The following MAPK6 variants were observed in gnomAD, a reference collection of about 807,000 sequenced individuals.
MAPK6 encodes the protein ERK-3.
A neutral mutation model predicts 59.3 loss-of-function variants in MAPK6; 19 were observed. The ratio of observed to expected loss-of-function variants is 0.32; its 90% CI spans 0.22 to 0.47. The LOEUF (loss-of-function observed/expected upper bound fraction) is 0.47, where lower values mean the gene tolerates loss of function less well. Among genes scored for constraint, MAPK6 ranks in the 20% least tolerant of loss-of-function variants. MAPK6 has a pLI of 1.00. For missense variants in MAPK6, 724 were observed against 847.9 expected, an observed-to-expected ratio of 0.85 and a Z score of 1.81; for synonymous variants, 316 against 290.3, an observed-to-expected ratio of 1.09 and a Z score of -0.90.
At chr15:52,061,016 G>C (rs780086211) in intron 4 of MAPK6, among the ~76,000 whole-genome samples, 29 of 152,280 alleles carry the variant, frequency 1.9e-4, no homozygotes, top group South Asian at 1.9e-3. Context: ...ATTAGGCCGG[G>C]ATTACAGGCG....
chr15:52,035,555 CG>C (rs2031211565), intron 1 of MAPK6: 1 of 150,956 alleles, frequency 6.6e-6, no homozygotes, highest in Non-Finnish European at 1.5e-5. Flanking sequence ...ACCCGGGAAG[CG>C]GAGGTTGCAG....
intron 3 of MAPK6, among the ~76,000 whole-genome samples, chr15:52,006,819 C>T (rs2141828005): frequency 6.6e-6 from 1 of 152,216 alleles, no homozygotes; most frequent in African/African-American, 2.4e-5. Context: ...TTACCTGGGT[C>T]TAACAAATAC....
rs370350398 is a variant in MAPK6 at position 51,993,747 on chromosome 15, C to T, written c.-770+10432C>T. The stretch of plus-strand genomic sequence containing the variant: ...AGAACAGTGACACCTAATAGCAATG[C>T]GTACACATAATGCCCAGATCTTGGT... On this transcript the variant is annotated intron_variant, in intron 2 of 7. Transcript: ENST00000691380. Among the ~76,000 whole-genome samples the T allele has an allele frequency of 1.1e-4, 16 of 151,902 alleles. No homozygotes were observed. The East Asian group carries it at 1.9e-3, about 18-fold the overall frequency.
intron 5 of MAPK6, 141 bp from the exon 6 acceptor site, chr15:52,063,761 G>A: frequency 1.8e-6 from 1 of 551,644 alleles, no homozygotes; most frequent in East Asian, 3.2e-5. Flanking sequence ...CTAAGTTCTG[G>A]TAGGGCAAGG....
chr15:51,993,212 A>G (rs1299576931), intron 2 of MAPK6, among the ~76,000 whole-genome samples: 2 of 152,202 alleles, frequency 1.3e-5, no homozygotes, highest in African/African-American at 4.8e-5. Context: ...GCTCTGTATC[A>G]TATGCACCTG....
upstream of MAPK6, among the ~76,000 whole-genome samples, chr15:52,016,066 G>A (rs1217590743): frequency 0.065 from 2,876 of 44,142 alleles, 89 homozygotes; most frequent in African/African-American, 0.14. Flanking sequence ...GCGCGCGCGC[G>A]CGCGCACACA....
rs187831207 is a variant in MAPK6, at chr15:51,999,482, T to C, written c.-769-4783T>C. Among the ~76,000 whole-genome samples, 40 of 152,304 alleles carry C rather than the reference T, an allele frequency of 2.6e-4. 5 individuals are homozygous for C. The highest frequency in any genetic ancestry group is 1.4e-3 in the Admixed American group (22 of 15,288). ...GCCTATTGTAAAAATGAGTTATTTA[T>C]TTTATTATTATTGAGTGAAGAGTTT... On this transcript the variant is annotated intron_variant, in intron 2 of 7. Transcript: ENST00000691380.
chr15:52,024,708 G>C (rs1284799841), intron 1 of MAPK6: 2 of 152,098 alleles, frequency 1.3e-5, no homozygotes, highest in African/African-American at 4.8e-5. Flanking sequence ...ATGAGCCACC[G>C]CGCCCGGCCT....
At chr15:52,021,355 A>C (rs1025559888) in intron 1 of MAPK6, 1 of 118,034 alleles carries the variant, frequency 8.5e-6, no homozygotes, top group Non-Finnish European at 1.7e-5. Flanking sequence ...ACGGACTGCT[A>C]CGTGGCTTTT....
intron 1 of MAPK6, chr15:52,027,784 G>GT (rs1257310282): frequency 1.2e-4 from 16 of 134,198 alleles, no homozygotes; most frequent in African/African-American, 4.0e-4. Context: ...TTTATTTACT[G>GT]TTTTTTGAGA....
At chr15:52,033,079 G>A (rs1285237346) in intron 1 of MAPK6, among the ~76,000 whole-genome samples, 1 of 152,112 alleles carries the variant, frequency 6.6e-6, no homozygotes, top group Non-Finnish European at 1.5e-5. Flanking sequence ...GAAGTAACTG[G>A]GATTACAGGC....
At chr15:52,000,310 A>G (rs775058444) in intron 2 of MAPK6, among the ~76,000 whole-genome samples, 3 of 151,640 alleles carry the variant, frequency 2.0e-5, no homozygotes, top group Non-Finnish European at 2.9e-5. Context: ...CAAGTTACCT[A>G]TTTTTCTTTG....
At chr15:52,048,307 G>A (rs957275883) in intron 2 of MAPK6, among the ~76,000 whole-genome samples, 4 of 151,736 alleles carry the variant, frequency 2.6e-5, no homozygotes, top group Non-Finnish European at 2.9e-5. Flanking sequence ...CCGCCACCAC[G>A]CCCAGCCCAC....
chr15:52,063,763 A>G, intron 5 of MAPK6, 139 bp from the exon 6 acceptor site: 2 of 557,600 alleles, frequency 3.6e-6, no homozygotes, highest in East Asian at 6.4e-5. Flanking sequence ...AAGTTCTGGT[A>G]GGGCAAGGCA....
At chr15:51,975,560 T>C (rs1324585243) in intron 1 of MAPK6, among the ~76,000 whole-genome samples, 1 of 151,690 alleles carries the variant, frequency 6.6e-6, no homozygotes, top group Non-Finnish European at 1.5e-5. Flanking sequence ...GTATAAAATA[T>C]ATACTTACAC....
At chr15:52,000,267 T>C (rs1001299202) in intron 2 of MAPK6, among the ~76,000 whole-genome samples, 1 of 152,222 alleles carries the variant, frequency 6.6e-6, no homozygotes, top group Non-Finnish European at 1.5e-5. Context: ...TGGGGTCTTC[T>C]GAAGCACAAA....
At chr15:51,986,080 A>T (rs1362683445) in intron 2 of MAPK6, among the ~76,000 whole-genome samples, 1 of 152,244 alleles carries the variant, frequency 6.6e-6, no homozygotes, top group Non-Finnish European at 1.5e-5. Context: ...TAATTGACTC[A>T]CAGTTCTGCA....
At chr15:52,000,902 C>G (rs1472062260) in intron 2 of MAPK6, among the ~76,000 whole-genome samples, 1 of 152,090 alleles carries the variant, frequency 6.6e-6, no homozygotes, top group Non-Finnish European at 1.5e-5. Flanking sequence ...ACCTATCACA[C>G]TAGTAGCATA....
At chr15:51,991,497 T>C (rs1412616795) in intron 2 of MAPK6, among the ~76,000 whole-genome samples, 1 of 152,214 alleles carries the variant, frequency 6.6e-6, no homozygotes, top group African/African-American at 2.4e-5. Context: ...ATATAAACTT[T>C]TATTACATAA....
Sources: allele counts gnomAD v4.1 joint callset (sites outside exome capture counted in the v4.1 genomes callset), GRCh38; gene constraint gnomAD v4.1.1; transcripts MANE v1.5; gene names NCBI Gene and HGNC (gene_info 2026-07-23, HGNC 2026-07-21).